NEO1: variants seen among roughly 807,000 people sequenced by gnomAD.
NEO1 encodes the protein neogenin.
In NEO1, 63 loss-of-function variants were observed where a neutral mutation model predicts 159.7. That is an observed-to-expected ratio of 0.39 (90% CI 0.32 to 0.49). NEO1 has a LOEUF of 0.49. NEO1 is among the 20% of genes least tolerant of loss of function. The pLI is 0.85. For missense variants in NEO1, 1,615 were observed against 1,831.0 expected, an observed-to-expected ratio of 0.88 and a Z score of 2.15; for synonymous variants, 633 against 662.0, an observed-to-expected ratio of 0.96 and a Z score of 0.67.
chr15:73,247,635 T>C (rs2039863756), intron 9 of NEO1, among the ~76,000 whole-genome samples: 1 of 152,252 alleles, frequency 6.6e-6, no homozygotes, highest in Admixed American at 6.5e-5. Context: ...GGTGCTGTTA[T>C]TCAGGAAAGC....
chr15:73,158,728 A>G (rs957799884), intron 5 of NEO1, among the ~76,000 whole-genome samples: 1 of 152,158 alleles, frequency 6.6e-6, no homozygotes, highest in Non-Finnish European at 1.5e-5. Context: ...AATAGATAAC[A>G]TATGAAGATG....
At chr15:73,094,793 AT>A (rs2151467694) in intron 1 of NEO1, among the ~76,000 whole-genome samples, 1 of 152,052 alleles carries the variant, frequency 6.6e-6, no homozygotes, top group East Asian at 1.9e-4. Context: ...GGATCTAGAG[AT>A]TTGATCATTT....
In NEO1 at chr15:73,242,551, C is replaced by G. The variant is rs1359909401; in HGVS notation, c.1452-1793C>G. ...GGCGTGGTGGTGTGCACCTGTAGTC[C>G]CAGCTACGTACTGGAGGCCAGGGCA... On this transcript the variant is annotated intron_variant, in intron 8 of 28. Coordinates refer to ENST00000261908, the MANE Select transcript of NEO1 (RefSeq NM_002499.4). Among the ~76,000 whole-genome samples the G allele has an allele frequency of 2.0e-5, 3 of 151,988 alleles. No individual in the cohort carries two copies. The South Asian group carries it at 6.2e-4, about 32-fold the overall frequency.
At chr15:73,148,208 A>G (rs971209510) in intron 5 of NEO1, among the ~76,000 whole-genome samples, 2 of 152,190 alleles carry the variant, frequency 1.3e-5, no homozygotes. Context: ...AGCTTTGGTT[A>G]AGAGAACCAT....
rs779128315 is a variant in NEO1, at chr15:73,272,034, G to T, written c.2858-421G>T. Reference sequence around the variant, plus strand: ...GTGTGACAGGGAAGAAGTCATCTTGGACGAATTACATAACTTCTCTAATTT... The same window carrying T: ...GTGTGACAGGGAAGAAGTCATCTTGTACGAATTACATAACTTCTCTAATTT... On this transcript the variant is annotated intron_variant, in intron 18 of 28. Coordinates refer to ENST00000261908, the MANE Select transcript of NEO1 (RefSeq NM_002499.4). 1.2e-4 allele frequency among the ~76,000 whole-genome samples: 18 copies of T among 152,160 alleles called. No individual in the cohort carries two copies. The Middle Eastern group carries it at 0.01, about 86-fold the overall frequency.
intron 2 of NEO1, among the ~76,000 whole-genome samples, chr15:73,117,282 T>C (rs1279939038): frequency 1.3e-5 from 2 of 152,170 alleles, no homozygotes; most frequent in East Asian, 3.9e-4. Context: ...TGACATTCAA[T>C]TGGATTAATT....
chr15:73,158,984 G>A (rs2033979475), intron 5 of NEO1, among the ~76,000 whole-genome samples: 1 of 152,178 alleles, frequency 6.6e-6, no homozygotes, highest in South Asian at 2.1e-4. Flanking sequence ...AGTGAGTAGC[G>A]AGGTGTGGTA....
In NEO1 at chr15:73,176,374, A is replaced by G. The variant is rs760084856; in HGVS notation, c.1016-29A>G. 1.8e-5 allele frequency: 26 copies of G among 1,432,932 alleles called. No individual in the cohort carries two copies. In the African/African-American group the frequency reaches 3.7e-4, roughly 20 times the overall value. The allele number at this position is 1,432,932 out of a possible 1,614,324, so 88.8% of individuals were successfully genotyped here. A position where few individuals can be genotyped will look rare whatever the true frequency, so the allele number is the denominator to read the frequency against. On this transcript the variant is annotated intron_variant, in intron 5 of 28. Coordinates refer to ENST00000261908, the MANE Select transcript of NEO1 (RefSeq NM_002499.4). ...ATAGCTGCCTAGTTCTATTTTCATT[A>G]ATGTCTTAATTTCCTTTTTATTTTA...
At chr15:73,096,705 G>T (rs2070058402) in intron 1 of NEO1, among the ~76,000 whole-genome samples, 1 of 152,152 alleles carries the variant, frequency 6.6e-6, no homozygotes, top group African/African-American at 2.4e-5. Context: ...TCAAGCAAGG[G>T]TGACTTTGTG....
chr15:73,171,920 C>T (rs974425309), intron 5 of NEO1, among the ~76,000 whole-genome samples: 35 of 152,094 alleles, frequency 2.3e-4, no homozygotes, highest in African/African-American at 6.3e-4. Flanking sequence ...GGATTACAGG[C>T]GTGAGCCACC....
intron 1 of NEO1, among the ~76,000 whole-genome samples, chr15:73,059,694 G>A (rs1314237475): frequency 6.6e-6 from 1 of 152,168 alleles, no homozygotes; most frequent in African/African-American, 2.4e-5. Context: ...GTTGATCAAG[G>A]AATAGTGCTG....
rs764751898 is a variant in NEO1, at chr15:73,270,241, C to G, written c.2718+8C>G. The G allele has an allele frequency of 1.9e-6, 3 of 1,613,848 alleles. No individual in the cohort carries two copies. In the South Asian group the frequency reaches 3.3e-5, roughly 18 times the overall value. ...GCAAACACCAAGTACAAGGTACTGA[C>G]ACATTTGCCCTGGCTGAAAAAAGCT... On this transcript the variant is annotated splice_region_variant and intron_variant, in intron 17 of 28. Transcript: ENST00000261908.
chr15:73,180,624 C>G (rs1041258508), intron 7 of NEO1, among the ~76,000 whole-genome samples: 4 of 152,194 alleles, frequency 2.6e-5, no homozygotes, highest in Non-Finnish European at 5.9e-5. Context: ...ATTACTGTTA[C>G]AAATCTAACT....
chr15:73,289,746 C>A (rs1477533797), intron 25 of NEO1, among the ~76,000 whole-genome samples: 2 of 152,062 alleles, frequency 1.3e-5, no homozygotes, highest in East Asian at 1.9e-4. Flanking sequence ...AGTTCTAGAC[C>A]AGCCTGGGCA....
At chr15:73,297,387 G>A (rs1425541409) in intron 26 of NEO1, among the ~76,000 whole-genome samples, 1 of 152,234 alleles carries the variant, frequency 6.6e-6, no homozygotes, top group Non-Finnish European at 1.5e-5. Context: ...CTTAAAGTAA[G>A]CACCCAGTAA....
intron 25 of NEO1, 97 bp downstream of exon 25, chr15:73,289,335 C>T: frequency 9.7e-7 from 1 of 1,030,654 alleles, no homozygotes; most frequent in Non-Finnish European, 1.5e-6. Flanking sequence ...TTGATTCTAA[C>T]ACAAAGATAA....
chr15:73,206,017 C>T (rs2037201844), intron 7 of NEO1, among the ~76,000 whole-genome samples: 1 of 152,078 alleles, frequency 6.6e-6, no homozygotes, highest in African/African-American at 2.4e-5. Context: ...AAGTGATTCT[C>T]ATGCCTCAGC....
At chr15:73,095,219 A>G (rs867645078) in intron 1 of NEO1, among the ~76,000 whole-genome samples, 87 of 152,254 alleles carry the variant, frequency 5.7e-4, no homozygotes, top group African/African-American at 1.9e-3. Flanking sequence ...AAAAAAAAAA[A>G]AAAACTTAAC....
At position 73,120,606 on chromosome 15, in the gene NEO1, A is replaced by G. The variant is rs187094789; in HGVS notation, c.449-1919A>G. Among the ~76,000 whole-genome samples, 370 of 151,362 alleles carry G rather than the reference A, an allele frequency of 2.4e-3. 1 individual carries two copies. Among genetic ancestry groups the G allele is most frequent in the African/African-American group, 8.5e-3 (352 of 41,336 alleles). On this transcript the variant is annotated intron_variant, in intron 2 of 28. Coordinates refer to ENST00000261908, the MANE Select transcript of NEO1 (RefSeq NM_002499.4). ...TAGTTAAGTGTTTATGCAATATACTATATATAAATTATTTATTTTAAGTAC... is the reference window on the plus strand; with the variant it reads ...TAGTTAAGTGTTTATGCAATATACTGTATATAAATTATTTATTTTAAGTAC...
Sources: allele counts gnomAD v4.1 joint callset (sites outside exome capture counted in the v4.1 genomes callset), GRCh38; gene constraint gnomAD v4.1.1; transcripts MANE v1.5; gene names NCBI Gene and HGNC (gene_info 2026-07-23, HGNC 2026-07-21).